ATXN3: variants seen among roughly 807,000 people sequenced by gnomAD.
The protein encoded by ATXN3 is ataxin-3.
ATXN3 carries 28 observed loss-of-function variants against 58.2 expected under a neutral mutation model. That is an observed-to-expected ratio of 0.48 (90% confidence interval 0.36 to 0.66). The LOEUF (loss-of-function observed/expected upper bound fraction) is 0.66. Among genes scored for constraint, ATXN3 ranks in the 30% least tolerant of loss-of-function variants. ATXN3 has a pLI of 0.00. For missense variants in ATXN3, 321 were observed against 422.1 expected (o/e 0.76, Z 2.10); for synonymous variants, 113 against 138.5 (o/e 0.82, Z 1.29).
Position 92,079,417 on chromosome 14 carries a change from TAA to T in ATXN3, c.872+1546_872+1547del, listed in dbSNP as rs1459022159. 6.1e-6 allele frequency: 6 copies of T among 978,166 alleles called. No homozygotes were observed. In the African/African-American group the frequency reaches 8.7e-5, roughly 14 times the overall value. The allele number at this position is 978,166 out of a possible 1,614,324, so 60.6% of individuals were successfully genotyped here. ...AATAAAGACTAGAAATATCTCACAT[TAA>T]GAGGATGTCAGCTGATCAGAATTTT... On this transcript the variant is annotated intron_variant, in intron 9 of 10. Transcript: ENST00000644486.
In ATXN3 at chr14:92,063,096, A is replaced by G. The variant is rs555559894; in HGVS notation, c.*1224T>C. The G allele has an allele frequency of 6.5e-6, 1 of 152,778 alleles. No homozygotes were observed. The highest frequency in any genetic ancestry group is 1.9e-4 in the East Asian group (1 of 5,194). The allele number at this position is 152,778 out of a possible 1,614,324, so 9.5% of individuals were successfully genotyped here. On this transcript the variant is annotated 3_prime_UTR_variant, in exon 11 of 11. Transcript: ENST00000644486. The stretch of plus-strand genomic sequence containing the variant: ...ATTAAAGAGAATATTTATCAAAACT[A>G]TGGACTTTCTTATTTATAGATCCAC...
chr14:92,054,868 A>G (rs1337561245), downstream of ATXN3, among the ~76,000 whole-genome samples: 1 of 145,284 alleles, frequency 6.9e-6, no homozygotes, highest in East Asian at 2.1e-4. Flanking sequence ...AGTCACTGTT[A>G]TATTAGTTTG....
At chr14:92,058,223 CTATACTT>C (rs978362334), downstream of ATXN3, 10 of 152,362 alleles carry the variant, frequency 6.6e-5, no homozygotes, top group African/African-American at 2.4e-4. Context: ...AAGCTTCACT[CTATACTT>C]TAGTGTCCTG....
chr14:92,066,595 TTTC>T (rs1467568591), intron 10 of ATXN3, among the ~76,000 whole-genome samples: 17 of 136,958 alleles, frequency 1.2e-4, no homozygotes, highest in Middle Eastern at 3.6e-3. Flanking sequence ...TTAGAGTTTT[TTTC>T]TTGTTTTTTT....
chr14:92,103,958 T>C lies in ATXN3; in HGVS notation c.24+2571A>G, dbSNP rs1053704924. ...ACAGTAAGCCCAAACATTCCCAGAA[T>C]GGACTGTATAGGAGATTAACAATTG... On this transcript the variant is annotated intron_variant, in intron 1 of 10. Transcript: ENST00000644486. 6.6e-5 allele frequency among the ~76,000 whole-genome samples: 10 copies of C among 152,294 alleles called. 2 individuals are homozygous for C. The highest frequency in any genetic ancestry group is 1.2e-4 in the African/African-American group (5 of 41,576).
At chr14:92,052,011 G>A (rs534399439), upstream of ATXN3, among the ~76,000 whole-genome samples, 19 of 151,312 alleles carry the variant, frequency 1.3e-4, no homozygotes, top group South Asian at 6.4e-4. Flanking sequence ...GTGAGCCACC[G>A]CACCCAGCCT....
Position 92,076,206 on chromosome 14 carries a change from G to C in ATXN3, c.872+4759C>G, listed in dbSNP as rs116179168. On this transcript the variant is annotated intron_variant, in intron 9 of 10. Coordinates refer to ENST00000644486, the MANE Select transcript of ATXN3 (RefSeq NM_004993.6). ...CATGCCTGTAATCCCAGCATGTTGG[G>C]AGACCCAGGCTGGCAGATTGCCTGA... 1.9e-3 allele frequency among the ~76,000 whole-genome samples: 286 copies of C among 152,276 alleles called. 1 individual carries two copies. The highest frequency in any genetic ancestry group is 6.6e-3 in the African/African-American group (275 of 41,566).
In ATXN3 at chr14:92,096,091, A is replaced by C; in HGVS notation, c.234+2T>G. On this transcript the variant is annotated splice_donor_variant, in intron 3 of 10. Coordinates refer to ENST00000644486, the MANE Select transcript of ATXN3 (RefSeq NM_004993.6). LOFTEE classifies it high-confidence loss of function. ...ACATAGTACATGCTTGTGACTACTT[A>C]CCTGAATAGAGAAAAAACCACTGTC... 2 of 1,593,022 alleles carry C rather than the reference A, an allele frequency of 1.3e-6. No individual in the cohort carries two copies. The highest frequency in any genetic ancestry group is 3.3e-4 in the Middle Eastern group (2 of 6,022).
At chr14:92,066,078 G>A (rs919653739) in intron 10 of ATXN3, among the ~76,000 whole-genome samples, 28 of 139,808 alleles carry the variant, frequency 2.0e-4, no homozygotes, top group African/African-American at 3.4e-4. Flanking sequence ...CAGCACTTAC[G>A]GAGTGTAATA....
At chr14:92,055,353 A>G (rs114302536), downstream of ATXN3, among the ~76,000 whole-genome samples, 1,146 of 152,298 alleles carry the variant, frequency 7.5e-3, 18 homozygotes, top group African/African-American at 0.026. This position sits in a 1 kb window ranked among gnomAD's most constrained non-coding sequence, Gnocchi z 4.5. Flanking sequence ...TAAGATATAT[A>G]TAACACAAAA....
chr14:92,055,092 G>A (rs2057460619), downstream of ATXN3, among the ~76,000 whole-genome samples: 1 of 152,148 alleles, frequency 6.6e-6, no homozygotes, highest in Non-Finnish European at 1.5e-5. This position sits in a 1 kb window ranked among gnomAD's most constrained non-coding sequence, Gnocchi z 4.5. Flanking sequence ...ATGTTGGTCA[G>A]GCTGGTCTCA....
chr14:92,106,420 C>A (rs1453269427), intron 1 of ATXN3, 109 bp downstream of exon 1: 45 of 1,430,034 alleles, frequency 3.1e-5, no homozygotes, highest in Admixed American at 7.1e-5. Context: ...CGGGCGAGAT[C>A]GGCATGGGGG....
At chr14:92,085,862 A>G (rs1188315283) in intron 6 of ATXN3, among the ~76,000 whole-genome samples, 1 of 152,246 alleles carries the variant, frequency 6.6e-6, no homozygotes, top group South Asian at 2.1e-4. Flanking sequence ...GATCCATGAA[A>G]GGAATCTGAA....
intron 6 of ATXN3, among the ~76,000 whole-genome samples, chr14:92,084,931 C>T (rs1307352183): frequency 6.6e-6 from 1 of 152,136 alleles, no homozygotes; most frequent in Non-Finnish European, 1.5e-5. Context: ...GTTGGATTAA[C>T]ACATAATGGG....
intron 9 of ATXN3, chr14:92,077,440 G>A (rs145498216): frequency 0.026 from 3,982 of 151,660 alleles, 74 homozygotes; most frequent in South Asian, 0.081. Context: ...TCCACCTCCC[G>A]GGTTCATGCC....
At chr14:92,052,872 G>A (rs2057453383), upstream of ATXN3, among the ~76,000 whole-genome samples, 1 of 152,140 alleles carries the variant, frequency 6.6e-6, no homozygotes, top group Non-Finnish European at 1.5e-5. Flanking sequence ...TGCTTGATAG[G>A]CTCCTCTTGC....
At position 92,063,557 on chromosome 14, in the gene ATXN3, A is replaced by T. The variant is rs2057928700; in HGVS notation, c.*763T>A. The T allele has an allele frequency of 6.6e-6, 1 of 152,244 alleles. No individual in the cohort carries two copies. The highest frequency in any genetic ancestry group is 2.1e-4 in the South Asian group (1 of 4,834). 9.4% of individuals were successfully genotyped at this position (152,244 alleles called of 1,614,324 possible). ...ATAAGTGAAAAGACATTCATAAAGC[A>T]TCTGGGAAAGCACATGCTCACACAT... is the stretch of plus-strand genomic sequence containing the variant. On this transcript the variant is annotated 3_prime_UTR_variant, in exon 11 of 11. Coordinates refer to ENST00000644486, the MANE Select transcript of ATXN3 (RefSeq NM_004993.6).
intron 3 of ATXN3, among the ~76,000 whole-genome samples, chr14:92,094,188 C>T (rs2064622446): frequency 6.6e-6 from 1 of 152,104 alleles, no homozygotes; most frequent in Admixed American, 6.6e-5. Context: ...GATCCACCCG[C>T]CTGGGCCTCC....
intron 10 of ATXN3, 171 bp downstream of exon 10, chr14:92,070,764 T>G: frequency 7.4e-7 from 1 of 1,347,296 alleles, no homozygotes; most frequent in Non-Finnish European, 9.7e-7. Flanking sequence ...TTTTTTTCTT[T>G]TGGTAACTGC....
Sources: gnomAD v4.1 joint callset for allele counts (sites outside exome capture counted in the v4.1 genomes callset) on GRCh38, gnomAD v4.1.1 for gene constraint, Gnocchi (gnomAD v3.1) non-coding constraint, MANE v1.5 for transcripts, NCBI Gene and HGNC (gene_info 2026-07-23, HGNC 2026-07-21) for gene names.